The following APOB variants were observed in gnomAD, a reference collection of about 807,000 sequenced individuals.
APOB encodes the protein apolipoprotein B-100.
A neutral mutation model predicts 314.1 loss-of-function variants in APOB; 153 were observed. The ratio of observed to expected loss-of-function variants is 0.49; its 90% CI spans 0.43 to 0.56. The LOEUF (loss-of-function observed/expected upper bound fraction) is 0.56, where lower values mean the gene tolerates loss of function less well. Ranked by LOEUF, APOB falls within the 20% of genes least tolerant of loss-of-function variation. The pLI, the probability that APOB is intolerant of heterozygous loss-of-function variation, is 0.00. For synonymous variants in APOB, 2,087 were observed against 2,036.4 expected, an observed-to-expected ratio of 1.02 and a Z score of -0.67; for missense variants, 5,430 against 5,350.7, an observed-to-expected ratio of 1.01 and a Z score of -0.46.
intron 18 of APOB, among the ~76,000 whole-genome samples, chr2:21,022,099 G>A (rs1256199400): frequency 6.6e-6 from 1 of 152,086 alleles, no homozygotes; most frequent in Non-Finnish European, 1.5e-5. Flanking sequence ...GGAGCTACAG[G>A]CATGTGCCAC....
intron 2 of APOB, among the ~76,000 whole-genome samples, chr2:21,042,830 C>T (rs940392000): frequency 6.6e-6 from 1 of 151,648 alleles, no homozygotes; most frequent in South Asian, 2.1e-4. Flanking sequence ...GCTTTTTTAG[C>T]TTGAACACGC....
At chr2:21,033,539 A>G (rs993934172) in intron 8 of APOB, 21 bp from the exon 9 acceptor site, 1 of 1,592,902 alleles carries the variant, frequency 6.3e-7, no homozygotes, top group Non-Finnish European at 8.6e-7. Flanking sequence ...GAAAGTGTCA[A>G]AGGAACTCTA....
intron 2 of APOB, among the ~76,000 whole-genome samples, chr2:21,043,062 C>A (rs1664171480): frequency 6.7e-6 from 1 of 148,480 alleles, no homozygotes; most frequent in Non-Finnish European, 1.5e-5. Context: ...ATCAGAAGTC[C>A]GCCCCGCGGC....
intron 20 of APOB, 38 bp from the exon 21 acceptor site, chr2:21,016,687 A>G: frequency 7.1e-7 from 1 of 1,415,130 alleles, no homozygotes; most frequent in Non-Finnish European, 1.0e-6. Flanking sequence ...GATGTGTGGT[A>G]AGAAGCTATG....
At position 21,005,224 on chromosome 2, in the gene APOB, C is replaced by T; in HGVS notation, c.11644G>A (p.Ala3882Thr). The T allele has an allele frequency of 6.2e-7, 1 of 1,614,022 alleles. No individual in the cohort carries two copies. The highest frequency in any genetic ancestry group is 8.5e-7 in the Non-Finnish European group (1 of 1,179,964). Residue 3882 changes from alanine (A) to threonine (T), a missense_variant, in exon 26 of 29, where the codon GCA becomes ACA. Physicochemically the swap from Ala to Thr is moderately conservative, Grantham distance 58. This residue lies in a region of APOB where 3,281 missense variants were observed against 3,171.0 expected (regional missense o/e 1.03). Coordinates refer to ENST00000233242, the MANE Select transcript of APOB (RefSeq NM_000384.3). ...PAGIVIPSFQ[A>T]LTARFEVDSP... ...TCTACCTCAAAGCGTGCAGTCAGTG[C>T]TTGAAAGGAAGGAATGACAATTCCA...
rs762760699 is a variant in APOB at position 21,005,192 on chromosome 2, G to A, written c.11676C>T (p.Pro3892=). ...ALTARFEVDS[P]VYNATWSASL... The stretch of plus-strand genomic sequence containing the variant: ...TGGCACTCCAAGTGGCATTATACAC[G>A]GGAGAGTCTACCTCAAAGCGTGCAG... The change falls in exon 26 of 29, where the codon CCC becomes CCT. Residue 3892 remains proline (P), a synonymous_variant. Coordinates refer to ENST00000233242, the MANE Select transcript of APOB (RefSeq NM_000384.3). 13 of 1,613,966 alleles carry A rather than the reference G, an allele frequency of 8.1e-6. 1 individual carries two copies. The Middle Eastern group carries it at 1.3e-3, about 164-fold the overall frequency.
rs199929872 is a variant in APOB, at chr2:21,026,995, A to G, written c.2068-31T>C. 26 of 1,612,338 alleles carry G rather than the reference A, an allele frequency of 1.6e-5. No individual in the cohort carries two copies. The East Asian group carries it at 5.8e-4, about 36-fold the overall frequency. On this transcript the variant is annotated intron_variant, in intron 14 of 28. Transcript: ENST00000233242. The stretch of plus-strand genomic sequence containing the variant: ...AAAGAAAATCAGACAAGAAAATGGC[A>G]TCAGGTTTCTTTGTTGTATGCCAGC...
At chr2:21,040,579 G>A (rs767179321) in intron 4 of APOB, among the ~76,000 whole-genome samples, 2 of 152,174 alleles carry the variant, frequency 1.3e-5, no homozygotes, top group African/African-American at 4.8e-5. Context: ...GCCATGTGCC[G>A]GCCACAGCAG....
In APOB at chr2:21,043,491, G is replaced by T. The variant is rs570818403; in HGVS notation, c.121+22C>A. On this transcript the variant is annotated intron_variant, in intron 2 of 28. Coordinates refer to ENST00000233242, the MANE Select transcript of APOB (RefSeq NM_000384.3). ...TGCACGGGGCTGGGCGCCCTTCCAC[G>T]CCCCATGCGCAGATGCCTTACTTGG... The T allele has an allele frequency of 1.4e-3, 2,180 of 1,596,542 alleles. 54 individuals are homozygous for T. In the South Asian group the frequency reaches 0.023, roughly 17 times the overall value.
intron 16 of APOB, chr2:21,024,496 A>G: frequency 3.9e-6 from 1 of 259,434 alleles, no homozygotes; most frequent in Non-Finnish European, 7.3e-6. Flanking sequence ...GTGCACGTCC[A>G]CAGTCCCAGC....
intron 8 of APOB, among the ~76,000 whole-genome samples, chr2:21,034,009 G>T (rs1291233704): frequency 6.6e-6 from 1 of 152,220 alleles, no homozygotes; most frequent in Non-Finnish European, 1.5e-5. Context: ...TGTTGACATG[G>T]TTACAACTGG....
chr2:21,042,832 T>C (rs1184555099), intron 2 of APOB, among the ~76,000 whole-genome samples: 2 of 151,816 alleles, frequency 1.3e-5, no homozygotes, highest in Non-Finnish European at 2.9e-5. Context: ...TTTTTTAGCT[T>C]GAACACGCCG....
rs1277664121 is a variant in APOB, at chr2:21,005,803, T to G, written c.11065A>C (p.Lys3689Gln). The G allele has an allele frequency of 1.2e-5, 19 of 1,614,008 alleles. No individual in the cohort carries two copies. Among genetic ancestry groups the G allele is most frequent in the Non-Finnish European group, 1.6e-5 (19 of 1,179,952 alleles). Reference sequence around the variant, plus strand: ...CCAATGCTGGTGGTTACATCCAGCTTTAGGAAATCCCATAAGCTCTTGTCA... The same window carrying G: ...CCAATGCTGGTGGTTACATCCAGCTGTAGGAAATCCCATAAGCTCTTGTCA... ...VYDKSLWDFL[K>Q]LDVTTSIGRR... Residue 3689 changes from lysine (K) to glutamine (Q), a missense_variant, in exon 26 of 29, where the codon AAG becomes CAG. Around this residue, in one of 3 missense-constraint regions of APOB, gnomAD observed 3,281 missense variants for 3,171.0 expected, o/e 1.03. Coordinates refer to ENST00000233242, the MANE Select transcript of APOB (RefSeq NM_000384.3).
rs1663042183 is a variant in APOB, at chr2:21,003,268, T to A, written c.12154A>T (p.Thr4052Ser). Residue 4052 changes from threonine to serine, a missense_variant, in exon 29 of 29, where the codon ACT becomes TCT. Thr to Ser is a moderately conservative substitution (Grantham distance 58). This residue lies in a region of APOB where 3,281 missense variants were observed against 3,171.0 expected (regional missense o/e 1.03). Coordinates refer to ENST00000233242, the MANE Select transcript of APOB (RefSeq NM_000384.3). ...TCTTCCCAATTAACTTTGATCTGAG[T>A]TTCCTCATCAGATTCCCGGACCCTC... ...ELRVRESDEE[T>S]QIKVNWEEEA... The A allele has an allele frequency of 2.5e-6, 4 of 1,613,764 alleles. No individual in the cohort carries two copies. The highest frequency in any genetic ancestry group is 1.7e-6 in the Non-Finnish European group (2 of 1,179,904).
chr2:21,014,868 C>T (rs1663424062), intron 23 of APOB, among the ~76,000 whole-genome samples: 1 of 152,192 alleles, frequency 6.6e-6, no homozygotes, highest in South Asian at 2.1e-4. Flanking sequence ...TACTTAGTAG[C>T]ATCTCTTTGA....
rs1572787726 is a variant in APOB at position 21,015,201 on chromosome 2, T to C, written c.3568A>G (p.Thr1190Ala). The change falls in exon 23 of 29, where the codon ACT (threonine) becomes GCT (alanine). Residue 1190 changes from threonine to alanine, a missense_variant. This residue lies in a region of APOB where 2,085 missense variants were observed against 2,079.7 expected (regional missense o/e 1.00). Transcript: ENST00000233242. ...GAGAGATCCACAGGGAAATTGGAAG[T>C]CATTTTTTTGGTATCTACATTGGTG... Reference protein sequence around the residue: ...TGTNVDTKKMTSNFPVDLSDY... With the variant: ...TGTNVDTKKMASNFPVDLSDY... 3.1e-6 allele frequency: 5 copies of C among 1,614,198 alleles called. No homozygotes were observed. The highest frequency in any genetic ancestry group is 2.2e-5 in the East Asian group (1 of 44,894).
In APOB at chr2:21,005,242, C is replaced by T; in HGVS notation, c.11626G>A (p.Val3876Ile). Reference protein sequence around the residue: ...SIKFSVPAGIVIPSFQALTAR... With the variant: ...SIKFSVPAGIIIPSFQALTAR... ...GTCAGTGCTTGAAAGGAAGGAATGACAATTCCAGCAGGTACAGAGAACTTA... is the reference window on the plus strand; with the variant it reads ...GTCAGTGCTTGAAAGGAAGGAATGATAATTCCAGCAGGTACAGAGAACTTA... The change falls in exon 26 of 29, where the codon GTC becomes ATC. Residue 3876 changes from valine to isoleucine, a missense_variant. By Grantham distance (29) the Val-to-Ile change is conservative. Around this residue, in one of 3 missense-constraint regions of APOB, gnomAD observed 3,281 missense variants for 3,171.0 expected, o/e 1.03. Coordinates refer to ENST00000233242, the MANE Select transcript of APOB (RefSeq NM_000384.3). The T allele has an allele frequency of 6.2e-7, 1 of 1,614,086 alleles. No homozygotes were observed. The highest frequency in any genetic ancestry group is 8.5e-7 in the Non-Finnish European group (1 of 1,179,978).
At position 21,028,038 on chromosome 2, in the gene APOB, C is replaced by T. The variant is rs779982300; in HGVS notation, c.1857G>A (p.Leu619=). The T allele has an allele frequency of 1.9e-6, 3 of 1,613,102 alleles. No homozygotes were observed. The highest frequency in any genetic ancestry group is 2.5e-6 in the Non-Finnish European group (3 of 1,179,184). ...TGACAGTTGGAAGTTGAGATTCTTTCAGAGCTTCTTTCACTAACTTTTTCA... is the reference window on the plus strand; with the variant it reads ...TGACAGTTGGAAGTTGAGATTCTTTTAGAGCTTCTTTCACTAACTTTTTCA... ...QDLKKLVKEA[L]KESQLPTVMD... Residue 619 remains leucine, a synonymous_variant, in exon 14 of 29, where the codon CTG becomes CTA. Transcript: ENST00000233242.
At chr2:21,028,630 T>C (rs766570006) in intron 12 of APOB, 92 bp from the exon 13 acceptor site, 23 of 871,502 alleles carry the variant, frequency 2.6e-5, no homozygotes, top group Non-Finnish European at 4.2e-5. Context: ...TAGCTCTTTC[T>C]TAAGCACAGG....
Sources: allele counts gnomAD v4.1 joint callset (sites outside exome capture counted in the v4.1 genomes callset), GRCh38; gene constraint gnomAD v4.1.1; regional missense constraint gnomAD v4.1.1; transcripts MANE v1.5; gene names NCBI Gene and HGNC (gene_info 2026-07-23, HGNC 2026-07-21).